Variants in CLASP1 observed in about 807,000 individuals in gnomAD.
CLASP1 encodes CLIP-associating protein 1.
CLASP1 carries 38 observed loss-of-function variants against 192.3 expected under a neutral mutation model. That is an observed-to-expected ratio of 0.20 (90% CI 0.15 to 0.26). CLASP1 has a LOEUF of 0.26. Ranked by LOEUF, CLASP1 falls within the 10% of genes least tolerant of loss-of-function variation. The pLI, the probability that CLASP1 is intolerant of heterozygous loss-of-function variation, is 1.00. For synonymous variants in CLASP1, 691 were observed against 712.8 expected, an observed-to-expected ratio of 0.97 and a Z score of 0.49; for missense variants, 1,433 against 1,932.5, an observed-to-expected ratio of 0.74 and a Z score of 4.85.
At chr2:121,553,610 G>A (rs1262904085) in intron 2 of CLASP1, among the ~76,000 whole-genome samples, 1 of 152,000 alleles carries the variant, frequency 6.6e-6, no homozygotes, top group African/African-American at 2.4e-5. Flanking sequence ...CTGAGGCAGG[G>A]AAATCGCTTG....
chr2:121,478,846 CA>C (rs2092169901), intron 8 of CLASP1, among the ~76,000 whole-genome samples: 1 of 81,888 alleles, frequency 1.2e-5, no homozygotes, highest in Admixed American at 1.2e-4. Context: ...ACCACACACA[CA>C]CCACACACCA....
intron 8 of CLASP1, among the ~76,000 whole-genome samples, chr2:121,494,644 G>C (rs1481116549): frequency 1.3e-5 from 2 of 152,152 alleles, no homozygotes; most frequent in African/African-American, 4.8e-5. Flanking sequence ...TGAGTTGATG[G>C]ATACCCTACT....
chr2:121,452,770 G>A (rs552788916), intron 14 of CLASP1, among the ~76,000 whole-genome samples: 24 of 152,152 alleles, frequency 1.6e-4, no homozygotes, highest in East Asian at 7.7e-4. Context: ...CAGCCTAGGC[G>A]ACAGAGCGAG....
At chr2:121,451,901 T>A (rs1239636562) in intron 14 of CLASP1, 52 bp from the exon 15 acceptor site, 20 of 1,309,618 alleles carry the variant, frequency 1.5e-5, no homozygotes, top group Non-Finnish European at 2.1e-5. Context: ...TTAGTGAAAA[T>A]GAAAACGGCA....
chr2:121,566,377 C>T (rs1213513020), intron 2 of CLASP1, among the ~76,000 whole-genome samples: 1 of 152,110 alleles, frequency 6.6e-6, no homozygotes, highest in Non-Finnish European at 1.5e-5. Flanking sequence ...CTGTGCTGCA[C>T]CATATTTTGT....
intron 34 of CLASP1, among the ~76,000 whole-genome samples, chr2:121,376,529 G>A (rs1050550382): frequency 6.6e-6 from 1 of 151,304 alleles, no homozygotes; most frequent in African/African-American, 2.4e-5. Flanking sequence ...GAAGGGGTGG[G>A]GGGGGGGTCG....
At chr2:121,405,150 A>C (rs2076724220) in intron 25 of CLASP1, among the ~76,000 whole-genome samples, 1 of 152,094 alleles carries the variant, frequency 6.6e-6, no homozygotes, top group Admixed American at 6.5e-5. Context: ...CCCTACTAAA[A>C]ATAAAAAAAT....
chr2:121,383,046 C>T (rs1305022938), intron 32 of CLASP1, among the ~76,000 whole-genome samples: 2 of 152,210 alleles, frequency 1.3e-5, no homozygotes, highest in Non-Finnish European at 2.9e-5. Flanking sequence ...ATTCACCTTC[C>T]CTTCATAAAT....
intron 27 of CLASP1, 93 bp from the exon 29 acceptor site, chr2:121,401,765 C>T: frequency 9.3e-7 from 1 of 1,079,796 alleles, no homozygotes; most frequent in Non-Finnish European, 1.4e-6. Flanking sequence ...ACGTGCTTTG[C>T]CCAGACTCTT....
At chr2:121,493,839 T>TA (rs2150170358) in intron 8 of CLASP1, among the ~76,000 whole-genome samples, 1 of 152,206 alleles carries the variant, frequency 6.6e-6, no homozygotes, top group East Asian at 1.9e-4. Context: ...ACAGGCATAT[T>TA]AAAAAAGTGC....
intron 8 of CLASP1, among the ~76,000 whole-genome samples, chr2:121,478,864 A>AC (rs1159463833): frequency 8.3e-5 from 7 of 84,838 alleles, no homozygotes; most frequent in African/African-American, 3.3e-4. Flanking sequence ...ACCACACCAC[A>AC]CACACACCAC....
In CLASP1 at chr2:121,637,658, G is replaced by A. The variant is rs1480949673; in HGVS notation, c.-286+11714C>T. 2.3e-4 allele frequency among the ~76,000 whole-genome samples: 35 copies of A among 152,164 alleles called. 1 individual carries two copies. Among genetic ancestry groups the A allele is most frequent in the Admixed American group, 1.4e-3 (22 of 15,266 alleles). On this transcript the variant is annotated intron_variant, in intron 1 of 39. Coordinates refer to ENST00000263710, the Ensembl canonical transcript of CLASP1. The stretch of plus-strand genomic sequence containing the variant: ...GGCAGCACTTTGGGAAGCCAAGGCA[G>A]GTGGATCACCCAAGGTGAAGAGTTT...
At chr2:121,596,245 T>A (rs896929481) in intron 2 of CLASP1, among the ~76,000 whole-genome samples, 3 of 152,232 alleles carry the variant, frequency 2.0e-5, no homozygotes, top group African/African-American at 7.2e-5. Context: ...TTTCTACTTA[T>A]GACAGAGGCA....
At chr2:121,368,836 A>G (rs1389114294) in intron 34 of CLASP1, among the ~76,000 whole-genome samples, 7 of 152,236 alleles carry the variant, frequency 4.6e-5, no homozygotes, top group Non-Finnish European at 8.8e-5. Context: ...TAGATGTAAC[A>G]TACCATTTTG....
intron 7 of CLASP1, among the ~76,000 whole-genome samples, chr2:121,507,262 C>A (rs1041157223): frequency 2.0e-5 from 3 of 151,970 alleles, no homozygotes; most frequent in Admixed American, 2.0e-4. Flanking sequence ...TTAAAAGAAC[C>A]ATACAGAAAT....
intron 30 of CLASP1, among the ~76,000 whole-genome samples, chr2:121,390,347 C>T (rs2074126846): frequency 6.6e-6 from 1 of 152,266 alleles, no homozygotes; most frequent in Non-Finnish European, 1.5e-5. Flanking sequence ...CTGTTATCTT[C>T]GTAAGAGGCA....
intron 2 of CLASP1, among the ~76,000 whole-genome samples, chr2:121,540,548 G>T: frequency 6.6e-6 from 1 of 152,026 alleles, no homozygotes; most frequent in East Asian, 1.9e-4. Context: ...CAGCACTTTG[G>T]GAGGCTGAGG....
intron 1 of CLASP1, among the ~76,000 whole-genome samples, chr2:121,628,536 C>A (rs2068819577): frequency 6.6e-6 from 1 of 151,876 alleles, no homozygotes; most frequent in East Asian, 1.9e-4. Context: ...ATTAGCCAGG[C>A]ATGGTGGTGC....
At chr2:121,479,003 C>CCA (rs1412483603) in intron 8 of CLASP1, among the ~76,000 whole-genome samples, 12 of 96,458 alleles carry the variant, frequency 1.2e-4, no homozygotes, top group Non-Finnish European at 1.9e-4. Flanking sequence ...CACACACACA[C>CCA]CACACACACA....
Sources: gnomAD v4.1 joint callset for allele counts (sites outside exome capture counted in the v4.1 genomes callset) on GRCh38, gnomAD v4.1.1 for gene constraint, MANE v1.5 for transcripts, NCBI Gene and HGNC (gene_info 2026-07-23, HGNC 2026-07-21) for gene names.